Variants in SHISAL1 observed in about 807,000 individuals in gnomAD.
SHISAL1 encodes protein shisa-like-1.
In SHISAL1, 9 loss-of-function variants were observed where a neutral mutation model predicts 22.6. That is an observed-to-expected ratio of 0.40 (90% confidence interval 0.24 to 0.70). The LOEUF (loss-of-function observed/expected upper bound fraction) is 0.70, where lower values mean the gene tolerates loss of function less well. Among genes scored for constraint, SHISAL1 ranks in the 30% least tolerant of loss-of-function variants. The pLI is 0.39. For missense variants in SHISAL1, 246 were observed against 270.6 expected, an observed-to-expected ratio of 0.91 and a Z score of 0.64; for synonymous variants, 119 against 115.4, an observed-to-expected ratio of 1.03 and a Z score of -0.20.
Position 44,244,917 on chromosome 22 carries a change from C to A in SHISAL1, c.*4768G>T, listed in dbSNP as rs2054985700. 6.6e-6 allele frequency: 1 copy of A among 152,250 alleles called. No individual in the cohort carries two copies. The highest frequency in any genetic ancestry group is 1.5e-5 in the Non-Finnish European group (1 of 68,044). 9.4% of individuals were successfully genotyped at this position (152,250 alleles called of 1,614,324 possible). On this transcript the variant is annotated 3_prime_UTR_variant, in exon 5 of 5. Transcript: ENST00000381176. Reference sequence around the variant, plus strand: ...AAGTTGTTTGCGTGCATTTAAGCACCAGCGTGGGACGTGTTGGTGCTACAG... The same window carrying A: ...AAGTTGTTTGCGTGCATTTAAGCACAAGCGTGGGACGTGTTGGTGCTACAG...
chr22:44,263,355 G>C (rs1462920188), intron 4 of SHISAL1, among the ~76,000 whole-genome samples: 1 of 152,128 alleles, frequency 6.6e-6, no homozygotes, highest in Non-Finnish European at 1.5e-5. Context: ...ACAGGCGTGA[G>C]CCACTGCACC....
At chr22:44,287,256 A>G (rs1281080774) in intron 3 of SHISAL1, among the ~76,000 whole-genome samples, 1 of 152,218 alleles carries the variant, frequency 6.6e-6, no homozygotes, top group Non-Finnish European at 1.5e-5. Flanking sequence ...TGGCGCCAGC[A>G]GTGGCCTCTG....
intron 4 of SHISAL1, among the ~76,000 whole-genome samples, chr22:44,275,571 C>T (rs1204711011): frequency 4.0e-5 from 6 of 151,752 alleles, no homozygotes; most frequent in South Asian, 2.1e-4. Context: ...GCTATGCAGC[C>T]GGCATGGGGT....
At chr22:44,327,246 ACAC>A in the SHISAL1 span, among the ~76,000 whole-genome samples, 1 of 40,346 alleles carries the variant, frequency 2.5e-5, no homozygotes, top group Non-Finnish European at 8.5e-5. Flanking sequence ...GCGCGCACAC[ACAC>A]ACACACACAC....
intron 1 of SHISAL1, among the ~76,000 whole-genome samples, chr22:44,309,215 G>C (rs12163376): frequency 6.6e-6 from 1 of 152,062 alleles, no homozygotes; most frequent in Non-Finnish European, 1.5e-5. Flanking sequence ...ACAGTTCTGG[G>C]CGTGGGGGAT....
the SHISAL1 span, among the ~76,000 whole-genome samples, chr22:44,322,924 CCCATCCATCTGTCCGTCCACCCAT>C: frequency 1.3e-5 from 2 of 152,102 alleles, no homozygotes; most frequent in African/African-American, 4.8e-5. Context: ...TGTCCATCCA[CCCATCCATCTGTCCGTCCACCCAT>C]CCATCCATCC....
chr22:44,300,086 C>CAG (rs1391566145), intron 2 of SHISAL1, among the ~76,000 whole-genome samples: 1 of 148,896 alleles, frequency 6.7e-6, no homozygotes. Flanking sequence ...GAAAGACAGA[C>CAG]AGAGACAGAC....
rs766562966 is a variant in SHISAL1 at position 44,285,749 on chromosome 22, C to T, written c.282-4G>A. 1.4e-5 allele frequency: 23 copies of T among 1,605,818 alleles called. No individual in the cohort carries two copies. Among genetic ancestry groups the T allele is most frequent in the South Asian group, 4.4e-5 (4 of 90,314 alleles). On this transcript the variant is annotated splice_region_variant and splice_polypyrimidine_tract_variant and intron_variant, in intron 3 of 4. Coordinates refer to ENST00000381176, the MANE Select transcript of SHISAL1 (RefSeq NM_001099294.2). ...TCCCAACAAGGCGGTGTAATTGCTG[C>T]GAACAAACAGAGAGGGAGTGAGCAA...
chr22:44,302,182 A>G (rs2055434650), intron 1 of SHISAL1, among the ~76,000 whole-genome samples: 2 of 152,046 alleles, frequency 1.3e-5, no homozygotes, highest in Admixed American at 1.3e-4. Context: ...CTCTACGAAA[A>G]ATACAAAATT....
chr22:44,294,039 G>A (rs762219172), intron 3 of SHISAL1, among the ~76,000 whole-genome samples: 1 of 152,234 alleles, frequency 6.6e-6, no homozygotes, highest in Non-Finnish European at 1.5e-5. Context: ...GAGAAGTCTG[G>A]TTGTTTTGCC....
chr22:44,297,111 G>A (rs771790233), intron 2 of SHISAL1, among the ~76,000 whole-genome samples: 7 of 152,200 alleles, frequency 4.6e-5, no homozygotes, highest in Non-Finnish European at 8.8e-5. Context: ...GGAGGGCAGG[G>A]CTGGCTCTCC....
intron 4 of SHISAL1, among the ~76,000 whole-genome samples, chr22:44,254,017 GACCAA>G (rs2055067931): frequency 6.6e-6 from 1 of 151,678 alleles, no homozygotes; most frequent in East Asian, 1.9e-4. Flanking sequence ...TGAAACCACA[GACCAA>G]ACCAAACTTT....
At chr22:44,330,104 C>A in the SHISAL1 span, among the ~76,000 whole-genome samples, 76 of 152,356 alleles carry the variant, frequency 5.0e-4, no homozygotes, top group African/African-American at 1.8e-3. Context: ...CAGAGCAGGG[C>A]CCTCATTTTA....
At chr22:44,330,332 G>A in the SHISAL1 span, among the ~76,000 whole-genome samples, 1 of 152,204 alleles carries the variant, frequency 6.6e-6, no homozygotes, top group South Asian at 2.1e-4. Flanking sequence ...GGGGCTGGAG[G>A]CCACCCCCAG....
chr22:44,270,761 G>A (rs1195753276), intron 4 of SHISAL1, among the ~76,000 whole-genome samples: 1 of 152,160 alleles, frequency 6.6e-6, no homozygotes, highest in African/African-American at 2.4e-5. Context: ...GTGCTTCCCT[G>A]GCTCTGCCCA....
upstream of SHISAL1, among the ~76,000 whole-genome samples, chr22:44,315,575 TAAACTGAGGACACCAGGCC>T (rs1276149707): frequency 6.6e-6 from 1 of 152,140 alleles, no homozygotes; most frequent in Non-Finnish European, 1.5e-5. Flanking sequence ...TCCCCATCTA[TAAACTGAGGACACCAGGCC>T]ATATAACATC....
At chr22:44,260,323 G>T (rs9626140) in intron 4 of SHISAL1, among the ~76,000 whole-genome samples, 2,027 of 152,300 alleles carry the variant, frequency 0.013, 44 homozygotes, top group African/African-American at 0.047. Context: ...GTTCGGTTAC[G>T]GCCTGATTTG....
intron 4 of SHISAL1, among the ~76,000 whole-genome samples, chr22:44,270,200 T>C (rs970488728): frequency 6.6e-6 from 1 of 152,102 alleles, no homozygotes; most frequent in Non-Finnish European, 1.5e-5. Flanking sequence ...ATGGAACCAC[T>C]CTCTCCTATC....
At chr22:44,278,376 C>A (rs1330539101) in intron 4 of SHISAL1, among the ~76,000 whole-genome samples, 1 of 152,130 alleles carries the variant, frequency 6.6e-6, no homozygotes, top group East Asian at 1.9e-4. Flanking sequence ...AATAAACTCC[C>A]CTTTATATAG....
Sources: gnomAD v4.1 joint callset for allele counts (sites outside exome capture counted in the v4.1 genomes callset) on GRCh38, gnomAD v4.1.1 for gene constraint, MANE v1.5 for transcripts, NCBI Gene and HGNC (gene_info 2026-07-23, HGNC 2026-07-21) for gene names.